The following PRMT8 variants were observed in gnomAD, a reference collection of about 807,000 sequenced individuals.
The protein encoded by PRMT8 is protein arginine N-methyltransferase 8.
In PRMT8, 7 loss-of-function variants were observed where a neutral mutation model predicts 47.1. The ratio of observed to expected loss-of-function variants is 0.15; its 90% CI spans 0.08 to 0.28. The LOEUF is 0.28. Ranked by LOEUF, PRMT8 falls within the 10% of genes least tolerant of loss-of-function variation. The pLI, the probability that PRMT8 is intolerant of heterozygous loss-of-function variation, is 1.00. For missense variants in PRMT8, 237 were observed against 505.4 expected (o/e 0.47, Z 5.09); for synonymous variants, 188 against 186.5 (o/e 1.01, Z -0.07).
intron 1 of PRMT8, among the ~76,000 whole-genome samples, chr12:3,479,757 G>A (rs1270935253): frequency 1.3e-5 from 2 of 152,134 alleles, no homozygotes; most frequent in Non-Finnish European, 2.9e-5. Flanking sequence ...TTGGCCTTAT[G>A]CCATCTTTGC....
chr12:3,489,392 G>A (rs1865352268), upstream of PRMT8, among the ~76,000 whole-genome samples: 2 of 151,838 alleles, frequency 1.3e-5, no homozygotes, highest in South Asian at 4.2e-4. Flanking sequence ...AAGTCAGGAG[G>A]CTGGGGAGCT....
At chr12:3,387,913 G>T (rs927676999) in intron 1 of PRMT8, among the ~76,000 whole-genome samples, 2 of 151,994 alleles carry the variant, frequency 1.3e-5, no homozygotes, top group East Asian at 1.9e-4. Context: ...ATTCTCTTAC[G>T]TAACTAAGAT....
At chr12:3,459,380 C>T (rs1049115846) in intron 1 of PRMT8, among the ~76,000 whole-genome samples, 14 of 152,066 alleles carry the variant, frequency 9.2e-5, no homozygotes, top group African/African-American at 2.9e-4. Context: ...GAAAAAGTTC[C>T]GATTTCCTCG....
intron 1 of PRMT8, among the ~76,000 whole-genome samples, chr12:3,534,175 C>T (rs185258453): frequency 6.6e-6 from 1 of 152,392 alleles, no homozygotes; most frequent in Admixed American, 6.5e-5. Context: ...CCAGGCCAGG[C>T]AGGCGGCTGC....
intron 1 of PRMT8, among the ~76,000 whole-genome samples, chr12:3,411,516 C>A (rs763257417): frequency 3.9e-5 from 6 of 152,200 alleles, no homozygotes; most frequent in Admixed American, 1.3e-4. Context: ...TGGGAAAAAA[C>A]CCCTGTATGT....
At chr12:3,529,287 C>A (rs935553485) in intron 1 of PRMT8, among the ~76,000 whole-genome samples, 2 of 152,066 alleles carry the variant, frequency 1.3e-5, no homozygotes, top group African/African-American at 4.8e-5. Flanking sequence ...TTAGGGTTTA[C>A]CTCATTTATT....
At chr12:3,424,385 G>A (rs975437542) in intron 1 of PRMT8, among the ~76,000 whole-genome samples, 3 of 152,102 alleles carry the variant, frequency 2.0e-5, no homozygotes, top group East Asian at 1.9e-4. Flanking sequence ...CGCAAATGAC[G>A]CAAGACCAGC....
intron 1 of PRMT8, among the ~76,000 whole-genome samples, chr12:3,495,733 G>A (rs143688331): frequency 9.9e-5 from 15 of 152,272 alleles, no homozygotes; most frequent in African/African-American, 3.6e-4. Context: ...CTGAATTGAT[G>A]TATGTGATTG....
chr12:3,483,039 A>C (rs542946138), intron 1 of PRMT8, among the ~76,000 whole-genome samples: 98 of 152,280 alleles, frequency 6.4e-4, no homozygotes, highest in African/African-American at 2.2e-3. Flanking sequence ...TCAGACCCAC[A>C]CCTTGCTGTG....
chr12:3,496,544 G>C (rs1400855398), intron 1 of PRMT8, among the ~76,000 whole-genome samples: 1 of 152,026 alleles, frequency 6.6e-6, no homozygotes, highest in African/African-American at 2.4e-5. Context: ...ACACTAACTA[G>C]TAGGCTATGG....
Position 3,491,260 on chromosome 12 carries a change from C to A in PRMT8, c.-366C>A. 1 of 1,033,670 alleles carries A rather than the reference C, an allele frequency of 9.7e-7. No homozygotes were observed. Among genetic ancestry groups the A allele is most frequent in the South Asian group, 4.3e-5 (1 of 23,492 alleles). The allele number at this position is 1,033,670 out of a possible 1,614,324, so 64.0% of individuals were successfully genotyped here. A position where few individuals can be genotyped will look rare whatever the true frequency, so the allele number is the denominator to read the frequency against. ...GAGTTGGCGGCTGCCTCCGGCCGGC[C>A]GGACTTTGCGAGCAGCCTGGAGAGG... is the stretch of plus-strand genomic sequence containing the variant. On this transcript the variant is annotated 5_prime_UTR_variant, in exon 1 of 10. Coordinates refer to ENST00000382622, the MANE Select transcript of PRMT8 (RefSeq NM_019854.5).
At chr12:3,476,652 A>G (rs1865218313) in intron 1 of PRMT8, among the ~76,000 whole-genome samples, 1 of 152,188 alleles carries the variant, frequency 6.6e-6, no homozygotes, top group African/African-American at 2.4e-5. Context: ...GTCATTGCAA[A>G]AAAAGCTTTC....
intron 1 of PRMT8, among the ~76,000 whole-genome samples, chr12:3,445,718 C>T (rs909612596): frequency 5.3e-5 from 8 of 152,270 alleles, no homozygotes; most frequent in South Asian, 2.1e-4. Flanking sequence ...TAAATATTTC[C>T]GACGCTGGAG....
intron 1 of PRMT8, among the ~76,000 whole-genome samples, chr12:3,445,189 T>C (rs897175838): frequency 1.3e-5 from 2 of 152,316 alleles, no homozygotes; most frequent in Admixed American, 1.3e-4. Flanking sequence ...TTCTCCTCAT[T>C]GTCGTCACTA....
intron 1 of PRMT8, among the ~76,000 whole-genome samples, chr12:3,479,295 C>G (rs1331591649): frequency 1.3e-5 from 2 of 152,226 alleles, no homozygotes; most frequent in Non-Finnish European, 1.5e-5. Flanking sequence ...AAACAGAGCC[C>G]CCTCGATCTT....
intron 4 of PRMT8, among the ~76,000 whole-genome samples, chr12:3,556,951 C>T (rs769102897): frequency 6.6e-6 from 1 of 152,054 alleles, no homozygotes; most frequent in Admixed American, 6.5e-5. Context: ...GACAGTTCAG[C>T]CATAGAAGTG....
intron 3 of PRMT8, chr12:3,553,031 C>A: frequency 3.7e-6 from 1 of 272,710 alleles, no homozygotes; most frequent in East Asian, 9.7e-5. Flanking sequence ...ACTCATCTCT[C>A]AAATACCTTG....
At chr12:3,517,607 C>CTGAG (rs2137137060) in intron 1 of PRMT8, among the ~76,000 whole-genome samples, 1 of 152,190 alleles carries the variant, frequency 6.6e-6, no homozygotes, top group South Asian at 2.1e-4. Context: ...GTAAGCGGGG[C>CTGAG]TGAGTACACA....
At chr12:3,546,523 A>C (rs1866331099) in intron 2 of PRMT8, among the ~76,000 whole-genome samples, 1 of 152,240 alleles carries the variant, frequency 6.6e-6, no homozygotes, top group African/African-American at 2.4e-5. Flanking sequence ...CAGATACTCA[A>C]CAGGCAATGG....
Sources: allele counts gnomAD v4.1 joint callset (sites outside exome capture counted in the v4.1 genomes callset), GRCh38; gene constraint gnomAD v4.1.1; transcripts MANE v1.5; gene names NCBI Gene and HGNC (gene_info 2026-07-23, HGNC 2026-07-21).